Variants in NSMCE2 observed in about 807,000 individuals in gnomAD.
The protein encoded by NSMCE2 is NSE2 SUMO ligase component of SMC5/6 complex.
Under a neutral mutation model 23.8 loss-of-function variants are expected in NSMCE2, and 24 were observed. That is an observed-to-expected ratio of 1.01 (90% CI 0.73 to 1.42). The LOEUF is 1.42. Ranked by LOEUF, NSMCE2 falls within the 40% of genes most tolerant of loss-of-function variation. The pLI is 0.00. For synonymous variants in NSMCE2, 92 were observed against 94.1 expected, an observed-to-expected ratio of 0.98 and a Z score of 0.13; for missense variants, 284 against 296.5, an observed-to-expected ratio of 0.96 and a Z score of 0.31.
chr8:125,319,839 A>C (rs1829353212), intron 5 of NSMCE2, among the ~76,000 whole-genome samples: 2 of 152,158 alleles, frequency 1.3e-5, no homozygotes, highest in Non-Finnish European at 2.9e-5. Context: ...GTTTTAGTGA[A>C]GTCTCCAAAA....
chr8:125,286,317 T>TA (rs1350870468), intron 5 of NSMCE2, among the ~76,000 whole-genome samples: 11 of 38,392 alleles, frequency 2.9e-4, no homozygotes, highest in African/African-American at 3.7e-4. Flanking sequence ...TTTTATTTAT[T>TA]TTTTTTTTTT....
chr8:125,118,270 C>T (rs995385832), intron 3 of NSMCE2, among the ~76,000 whole-genome samples: 3 of 152,138 alleles, frequency 2.0e-5, no homozygotes, highest in African/African-American at 7.2e-5. Flanking sequence ...CACTTGAACC[C>T]GGGAGGCTAA....
chr8:125,341,882 G>A lies in NSMCE2; in HGVS notation c.419-15337G>A, dbSNP rs1247008483. ...ATCGAGAGTCCATGTGCAATGCACT[G>A]AGGATCTAGAAATGGAAAAAAAAAA... On this transcript the variant is annotated intron_variant, in intron 5 of 7. Transcript: ENST00000287437. 9.5e-5 allele frequency among the ~76,000 whole-genome samples: 11 copies of A among 115,618 alleles called. No individual in the cohort carries two copies. The East Asian group carries it at 2.8e-3, about 29-fold the overall frequency. The allele number at this position is 115,618 out of a possible 152,430, so 75.8% of individuals were successfully genotyped here.
chr8:125,286,221 T>C (rs1390560881), intron 5 of NSMCE2, among the ~76,000 whole-genome samples: 1 of 152,198 alleles, frequency 6.6e-6, no homozygotes, highest in Non-Finnish European at 1.5e-5. Flanking sequence ...GATATGTCTT[T>C]ACAGAGATAA....
At chr8:125,177,578 C>T (rs1475452023) in intron 4 of NSMCE2, among the ~76,000 whole-genome samples, 2 of 152,286 alleles carry the variant, frequency 1.3e-5, no homozygotes, top group South Asian at 2.1e-4. Flanking sequence ...CAACAGGCAG[C>T]GGGCCAGACA....
At chr8:125,325,277 G>C (rs940310733) in intron 5 of NSMCE2, among the ~76,000 whole-genome samples, 2 of 150,814 alleles carry the variant, frequency 1.3e-5, no homozygotes, top group African/African-American at 4.9e-5. Flanking sequence ...GGGTAACATA[G>C]CCAAACCCCG....
intron 5 of NSMCE2, among the ~76,000 whole-genome samples, chr8:125,190,709 C>G (rs1424948383): frequency 2.0e-5 from 3 of 152,118 alleles, no homozygotes; most frequent in Non-Finnish European, 4.4e-5. Flanking sequence ...TAGGTTTGCC[C>G]TATTCCTATT....
At chr8:125,316,924 G>A (rs1188741126) in intron 5 of NSMCE2, among the ~76,000 whole-genome samples, 1 of 151,744 alleles carries the variant, frequency 6.6e-6, no homozygotes, top group African/African-American at 2.4e-5. Context: ...CACTATAGGC[G>A]TGTGCCACCA....
intron 7 of NSMCE2, among the ~76,000 whole-genome samples, chr8:125,361,251 A>G (rs1254873162): frequency 6.6e-6 from 1 of 152,052 alleles, no homozygotes; most frequent in East Asian, 1.9e-4. Context: ...TATTTTTAGT[A>G]GAGACAGGGT....
intron 5 of NSMCE2, among the ~76,000 whole-genome samples, chr8:125,320,603 A>G (rs1471473623): frequency 6.6e-6 from 1 of 152,202 alleles, no homozygotes; most frequent in Non-Finnish European, 1.5e-5. Flanking sequence ...AAGTTACTGA[A>G]AGGAAGAAAA....
intron 5 of NSMCE2, among the ~76,000 whole-genome samples, chr8:125,241,365 A>G (rs1435614613): frequency 6.6e-6 from 1 of 152,246 alleles, no homozygotes; most frequent in Non-Finnish European, 1.5e-5. Flanking sequence ...GCAATCAAAT[A>G]TACAATTATA....
chr8:125,276,489 A>G (rs567605416), intron 5 of NSMCE2, among the ~76,000 whole-genome samples: 42 of 151,410 alleles, frequency 2.8e-4, no homozygotes, highest in South Asian at 6.2e-4. Flanking sequence ...TACTTGGCCT[A>G]CCTTCCTCCT....
chr8:125,359,387 G>T (rs1459621869), intron 7 of NSMCE2, among the ~76,000 whole-genome samples: 2 of 136,164 alleles, frequency 1.5e-5, no homozygotes, highest in African/African-American at 2.8e-5. Flanking sequence ...AGGCTGGAGT[G>T]CAATGGCGTG....
chr8:125,320,229 A>AGGGG (rs1563782500), intron 5 of NSMCE2, among the ~76,000 whole-genome samples: 1 of 22,290 alleles, frequency 4.5e-5, no homozygotes, highest in Non-Finnish European at 1.1e-4. Flanking sequence ...GGAGGGAGGG[A>AGGGG]GGGAAGGGAG....
chr8:125,277,760 T>C (rs6470346), intron 5 of NSMCE2, among the ~76,000 whole-genome samples: 119,583 of 152,126 alleles, frequency 0.79, 47,103 homozygotes, highest in Middle Eastern at 0.84. Context: ...GTGATCCACC[T>C]GCCTCGGCCT....
intron 5 of NSMCE2, among the ~76,000 whole-genome samples, chr8:125,328,199 ACAGT>A (rs1563787909): frequency 2.7e-5 from 4 of 150,094 alleles, no homozygotes; most frequent in African/African-American, 7.4e-5. Context: ...ATTGAAATTG[ACAGT>A]CAGAATCATG....
chr8:125,355,800 C>T (rs1359509230), intron 5 of NSMCE2, among the ~76,000 whole-genome samples: 1 of 151,882 alleles, frequency 6.6e-6, no homozygotes, highest in Non-Finnish European at 1.5e-5. Context: ...GAGATACTCC[C>T]ATCATCCCAT....
intron 5 of NSMCE2, among the ~76,000 whole-genome samples, chr8:125,222,881 G>T (rs1586633831): frequency 6.6e-6 from 1 of 151,684 alleles, no homozygotes; most frequent in African/African-American, 2.4e-5. Flanking sequence ...TAGGCAACAC[G>T]GCAAAACCCT....
chr8:125,295,069 G>A (rs143474263), intron 5 of NSMCE2, among the ~76,000 whole-genome samples: 5 of 152,306 alleles, frequency 3.3e-5, no homozygotes, highest in East Asian at 1.9e-4. Flanking sequence ...CTTGAATGTC[G>A]TGTTGCTGTG....
Sources: allele counts gnomAD v4.1 joint callset (sites outside exome capture counted in the v4.1 genomes callset), GRCh38; gene constraint gnomAD v4.1.1; transcripts MANE v1.5; gene names NCBI Gene and HGNC (gene_info 2026-07-23, HGNC 2026-07-21).